Variants in QPCTL observed in about 807,000 individuals in gnomAD.
The protein encoded by QPCTL is glutaminyl-peptide cyclotransferase like, also known as glutaminyl-peptide cyclotransferase-like protein.
A neutral mutation model predicts 34.6 loss-of-function variants in QPCTL; 31 were observed. That is an observed-to-expected ratio of 0.90 (90% confidence interval 0.67 to 1.21). QPCTL has a LOEUF of 1.21. Among genes scored for constraint, QPCTL ranks in the 50% most tolerant of loss-of-function variants. The probability of loss-of-function intolerance (pLI) is 0.00; values close to 1 mark genes in which losing one functional copy is unlikely to be tolerated. For missense variants in QPCTL, 474 were observed against 507.8 expected, an observed-to-expected ratio of 0.93 and a Z score of 0.64; for synonymous variants, 223 against 226.9, an observed-to-expected ratio of 0.98 and a Z score of 0.15.
intron 4 of QPCTL, 31 bp downstream of exon 4, chr19:45,698,730 G>A (rs1208449791): frequency 6.2e-7 from 1 of 1,613,622 alleles, no homozygotes; most frequent in Non-Finnish European, 8.5e-7. Context: ...CTTCTGGCGA[G>A]GGAGGGAGCA....
At position 45,696,849 on chromosome 19, in the gene QPCTL, G is replaced by A. The variant is rs191673648; in HGVS notation, c.633+1131G>A. Among the ~76,000 whole-genome samples, 403 of 152,068 alleles carry A rather than the reference G, an allele frequency of 2.7e-3. 3 individuals carry two copies. The highest frequency in any genetic ancestry group is 9.3e-3 in the African/African-American group (384 of 41,484). On this transcript the variant is annotated intron_variant, in intron 3 of 6. Transcript: ENST00000012049. ...TTCAAAGAGGCCTTCCCGGCCGGGC[G>A]TGGTAACTCGCACCTGTAATCCCAG...
chr19:45,701,389 C>G (rs1967808797), intron 5 of QPCTL, among the ~76,000 whole-genome samples: 1 of 151,956 alleles, frequency 6.6e-6, no homozygotes, highest in Non-Finnish European at 1.5e-5. Context: ...AATTCTCCTG[C>G]CTCAGCCTCC....
intron 2 of QPCTL, 129 bp from the exon 3 acceptor site, chr19:45,695,308 A>T (rs532058815): frequency 1.2e-6 from 1 of 852,736 alleles, no homozygotes; most frequent in Admixed American, 2.8e-5. Flanking sequence ...AAAGAAAGAA[A>T]GAAATCCATT....
intron 3 of QPCTL, among the ~76,000 whole-genome samples, chr19:45,696,589 CAAAA>C (rs746994607): frequency 8.0e-6 from 1 of 125,188 alleles, no homozygotes. Flanking sequence ...GACTCCATCT[CAAAA>C]AAAAAAAAAA....
At chr19:45,695,002 G>A (rs1179844132) in intron 2 of QPCTL, among the ~76,000 whole-genome samples, 6 of 152,006 alleles carry the variant, frequency 3.9e-5, no homozygotes, top group African/African-American at 1.4e-4. Flanking sequence ...TCAGAGTAGG[G>A]GGCTGGGCAC....
chr19:45,697,107 G>C (rs917190547), intron 3 of QPCTL, among the ~76,000 whole-genome samples: 1 of 151,020 alleles, frequency 6.6e-6, no homozygotes, highest in Non-Finnish European at 1.5e-5. Flanking sequence ...ATGACAGAGC[G>C]AGATTCTGTC....
intron 2 of QPCTL, 126 bp downstream of exon 2, chr19:45,693,682 C>T: frequency 7.6e-7 from 1 of 1,323,680 alleles, no homozygotes; most frequent in Non-Finnish European, 1.0e-6. Flanking sequence ...TAATCGGACT[C>T]TAGACTCCAT....
chr19:45,695,285 C>T, intron 2 of QPCTL, 152 bp from the exon 3 acceptor site: 1 of 603,982 alleles, frequency 1.7e-6, no homozygotes, highest in Non-Finnish European at 2.6e-6. Flanking sequence ...GACTCCATCT[C>T]AAAAAAAAAA....
At position 45,703,915 on chromosome 19, in the gene QPCTL, T is replaced by A. The variant is rs1349327015; in HGVS notation, c.*866T>A. The stretch of plus-strand genomic sequence containing the variant: ...TTGCAGTGAGCCAAGATCACACCAC[T>A]GCACTCCAGCCTGGGCAACAGAGCG... On this transcript the variant is annotated 3_prime_UTR_variant, in exon 7 of 7. Transcript: ENST00000012049. 1.3e-5 allele frequency: 2 copies of A among 152,050 alleles called. No homozygotes were observed. Among genetic ancestry groups the A allele is most frequent in the Admixed American group, 6.6e-5 (1 of 15,250 alleles). 9.4% of individuals were successfully genotyped at this position (152,050 alleles called of 1,614,324 possible). A position where few individuals can be genotyped will look rare whatever the true frequency, so the allele number is the denominator to read the frequency against.
chr19:45,694,741 T>A (rs1967657241), intron 2 of QPCTL, among the ~76,000 whole-genome samples: 1 of 152,018 alleles, frequency 6.6e-6, no homozygotes, highest in Non-Finnish European at 1.5e-5. Context: ...AGTGCTGGGA[T>A]TACAGGCGTG....
In QPCTL at chr19:45,692,714, G is replaced by C; in HGVS notation, c.11G>C (p.Gly4Ala). The C allele has an allele frequency of 6.5e-7, 1 of 1,549,446 alleles. No individual in the cohort carries two copies. The highest frequency in any genetic ancestry group is 8.7e-7 in the Non-Finnish European group (1 of 1,146,616). Residue 4 changes from glycine to alanine, a missense_variant, in exon 1 of 7, where the codon GGG (glycine) becomes GCG (alanine). By Grantham distance (60) the Gly-to-Ala change is moderately conservative (BLOSUM62 0). Coordinates refer to ENST00000012049, the MANE Select transcript of QPCTL (RefSeq NM_017659.4). ...CAGGGCAAAGCGGCCATGCGTTCCG[G>C]GGGCCGCGGGCGACCCCGCCTGCGG... is the stretch of plus-strand genomic sequence containing the variant. MRS[G>A]GRGRPRLRLG...
rs375603605 is a variant in QPCTL at position 45,703,092 on chromosome 19, G to T, written c.*43G>T. ...TGTGGAGAGGACTGTGAGAGAGAAG[G>T]TCCCAGCGGGGGCCAGTGAAGCTCA... On this transcript the variant is annotated 3_prime_UTR_variant, in exon 7 of 7. Transcript: ENST00000012049. The T allele has an allele frequency of 1.2e-5, 19 of 1,611,536 alleles. No homozygotes were observed. Among genetic ancestry groups the T allele is most frequent in the Non-Finnish European group, 1.5e-5 (18 of 1,177,944 alleles).
chr19:45,697,721 C>A (rs530538867), intron 3 of QPCTL, among the ~76,000 whole-genome samples: 1 of 152,172 alleles, frequency 6.6e-6, no homozygotes, highest in Admixed American at 6.5e-5. Flanking sequence ...AGACCCAACG[C>A]CCTCTCCAGG....
intron 3 of QPCTL, among the ~76,000 whole-genome samples, chr19:45,696,098 G>A (rs1967689676): frequency 6.6e-6 from 1 of 151,774 alleles, no homozygotes; most frequent in African/African-American, 2.4e-5. Context: ...ACCCTCCCAG[G>A]GCTCCCGCCT....
rs948082055 is a variant in QPCTL at position 45,698,912 on chromosome 19, TGC to T, written c.886+14_886+15del. ...GCTGAGGAGCATTGGTAAGGGTGAA[TGC>T]GGAGGTGGGCCCCAGCCCACCTGGG... On this transcript the variant is annotated intron_variant, in intron 5 of 6. Transcript: ENST00000012049. 1.2e-6 allele frequency: 2 copies of T among 1,611,440 alleles called. No individual in the cohort carries two copies. Among genetic ancestry groups the T allele is most frequent in the Non-Finnish European group, 1.7e-6 (2 of 1,178,030 alleles).
chr19:45,693,999 A>G (rs1006725569), intron 2 of QPCTL, among the ~76,000 whole-genome samples: 3 of 152,206 alleles, frequency 2.0e-5, no homozygotes, highest in Non-Finnish European at 4.4e-5. Flanking sequence ...CCCAATGTTT[A>G]GAAAATCATA....
chr19:45,693,401 C>T lies in QPCTL; in HGVS notation c.208-12C>T. 6.2e-7 allele frequency: 1 copy of T among 1,606,372 alleles called. No homozygotes were observed. The highest frequency in any genetic ancestry group is 1.1e-5 in the South Asian group (1 of 90,252). On this transcript the variant is annotated splice_polypyrimidine_tract_variant and intron_variant, in intron 1 of 6. Coordinates refer to ENST00000012049, the MANE Select transcript of QPCTL (RefSeq NM_017659.4). ...CTCATTCTTCCCTTCCCTATCCCAC[C>T]TCCTTCCCAAGGTCCCATTGATCGG...
Position 45,698,673 on chromosome 19 carries a change from C to T in QPCTL, c.760C>T (p.Pro254Ser), listed in dbSNP as rs761710521. 10 of 1,614,042 alleles carry T rather than the reference C, an allele frequency of 6.2e-6. No individual in the cohort carries two copies. The highest frequency in any genetic ancestry group is 1.3e-5 in the African/African-American group (1 of 74,928). The change falls in exon 4 of 7, where the codon CCC becomes TCC. Residue 254 changes from proline to serine, a missense_variant. By Grantham distance (74) the Pro-to-Ser change is moderately conservative (BLOSUM62 -1). Coordinates refer to ENST00000012049, the MANE Select transcript of QPCTL (RefSeq NM_017659.4). ...GCTCATGGAGTCTATACCTCACAGC[C>T]CCGGCCCCACCAGGATCCAGGCTAT... ...AQLMESIPHS[P>S]GPTRIQAIEL...
In QPCTL at chr19:45,703,153, T is replaced by C. The variant is rs1230075594; in HGVS notation, c.*104T>C. On this transcript the variant is annotated 3_prime_UTR_variant, in exon 7 of 7. Transcript: ENST00000012049. The stretch of plus-strand genomic sequence containing the variant: ...GCCTAGGGTGTGCTGGTTTGTCCTT[T>C]TCATACCTTTGTCTCCTAATTGTGC... The C allele has an allele frequency of 5.0e-6, 7 of 1,399,682 alleles. No homozygotes were observed. The East Asian group carries it at 1.7e-4, about 33-fold the overall frequency. The allele number at this position is 1,399,682 out of a possible 1,614,324, so 86.7% of individuals were successfully genotyped here. A position where few individuals can be genotyped will look rare whatever the true frequency, so the allele number is the denominator to read the frequency against.
Sources: allele counts gnomAD v4.1 joint callset (sites outside exome capture counted in the v4.1 genomes callset), GRCh38; gene constraint gnomAD v4.1.1; transcripts MANE v1.5; gene names NCBI Gene and HGNC (gene_info 2026-07-23, HGNC 2026-07-21).